Variants in LYRM1 observed in about 807,000 individuals in gnomAD.
LYRM1 encodes LYR motif-containing protein 1.
LYRM1 carries 14 observed loss-of-function variants against 14.9 expected under a neutral mutation model. The observed-to-expected ratio is 0.94, with a 90% confidence interval of 0.62 to 1.47. The LOEUF (loss-of-function observed/expected upper bound fraction) is 1.47. Among genes scored for constraint, LYRM1 ranks in the 40% most tolerant of loss-of-function variants. LYRM1 has a pLI of 0.00. For missense variants in LYRM1, 153 were observed against 149.9 expected (o/e 1.02, Z -0.11); for synonymous variants, 43 against 56.2 (o/e 0.77, Z 1.05).
chr16:20,924,330 C>T lies in LYRM1; in HGVS notation c.*214C>T. The T allele has an allele frequency of 2.2e-6, 1 of 453,620 alleles. No homozygotes were observed. Among genetic ancestry groups the T allele is most frequent in the South Asian group, 2.7e-5 (1 of 36,544 alleles). 28.1% of individuals were successfully genotyped at this position (453,620 alleles called of 1,614,324 possible). A position where few individuals can be genotyped will look rare whatever the true frequency, so the allele number is the denominator to read the frequency against. On this transcript the variant is annotated 3_prime_UTR_variant, in exon 4 of 4. Transcript: ENST00000567954. Reference sequence around the variant, plus strand: ...TGGCATTATCCCTAGAGGTCATGGACCTTACATCCTCACTGCAGTCACCTT... The same window carrying T: ...TGGCATTATCCCTAGAGGTCATGGATCTTACATCCTCACTGCAGTCACCTT...
At chr16:20,912,770 T>C (rs1303793552) in intron 1 of LYRM1, among the ~76,000 whole-genome samples, 1 of 151,610 alleles carries the variant, frequency 6.6e-6, no homozygotes, top group East Asian at 2.0e-4. Context: ...ATAAACTTTT[T>C]AAACTTGCAA....
At chr16:20,900,025 G>A (rs2081961203), upstream of LYRM1, 1 of 152,312 alleles carries the variant, frequency 6.6e-6, no homozygotes, top group Non-Finnish European at 1.5e-5. Flanking sequence ...TGAGCCCTGC[G>A]GCTGACACGC....
chr16:20,921,929 T>C (rs2083211631), intron 3 of LYRM1: 1 of 152,148 alleles, frequency 6.6e-6, no homozygotes, highest in Non-Finnish European at 1.5e-5. Flanking sequence ...CTGGATATAA[T>C]GTTATACTGC....
intron 2 of LYRM1, among the ~76,000 whole-genome samples, chr16:20,917,963 G>T (rs557394781): frequency 2.6e-5 from 4 of 151,670 alleles, no homozygotes; most frequent in Non-Finnish European, 5.9e-5. Context: ...AAATGAATGA[G>T]CAGCTATAAA....
chr16:20,913,845 G>C (rs765376561), intron 1 of LYRM1, among the ~76,000 whole-genome samples: 68 of 151,100 alleles, frequency 4.5e-4, no homozygotes, highest in Admixed American at 2.6e-3. Context: ...GTCTCGCTCT[G>C]TCACCCAGGC....
At chr16:20,918,373 G>C (rs2083015368) in intron 2 of LYRM1, among the ~76,000 whole-genome samples, 2 of 152,188 alleles carry the variant, frequency 1.3e-5, no homozygotes, top group African/African-American at 4.8e-5. Context: ...GATTATTTGG[G>C]AGTGGGCGGA....
At chr16:20,904,293 G>A (rs894231784) in intron 1 of LYRM1, among the ~76,000 whole-genome samples, 13 of 152,120 alleles carry the variant, frequency 8.5e-5, no homozygotes, top group Non-Finnish European at 4.4e-5. Flanking sequence ...TCTTGTGTGC[G>A]CTCCGGTGCT....
intron 2 of LYRM1, 95 bp downstream of exon 2, chr16:20,915,809 G>A (rs894014154): frequency 1.5e-5 from 20 of 1,339,634 alleles, no homozygotes; most frequent in African/African-American, 4.4e-5. Context: ...GGGCTGAGCC[G>A]CACAGTCATG....
chr16:20,924,260 C>T lies in LYRM1; in HGVS notation c.*144C>T. 1.7e-6 allele frequency: 1 copy of T among 596,488 alleles called. No individual in the cohort carries two copies. The highest frequency in any genetic ancestry group is 3.0e-6 in the Non-Finnish European group (1 of 331,788). The allele number at this position is 596,488 out of a possible 1,614,324, so 36.9% of individuals were successfully genotyped here. A position where few individuals can be genotyped will look rare whatever the true frequency, so the allele number is the denominator to read the frequency against. On this transcript the variant is annotated 3_prime_UTR_variant, in exon 4 of 4. Transcript: ENST00000567954. ...ATTGATTCTCCCCCTGTGATGTAAA[C>T]TTAGATATCCCTAGAGTTTCTCAGC...
At chr16:20,923,972 G>C in intron 3 of LYRM1, 28 bp from the exon 4 acceptor site, 1 of 1,244,908 alleles carries the variant, frequency 8.0e-7, no homozygotes, top group Admixed American at 1.9e-5. Context: ...TGATGAATAT[G>C]ATTCTTCATA....
chr16:20,922,409 A>G (rs2083241519), intron 3 of LYRM1, among the ~76,000 whole-genome samples: 2 of 152,330 alleles, frequency 1.3e-5, no homozygotes, highest in South Asian at 2.1e-4. Flanking sequence ...AGCTAGATGT[A>G]TATGTGAAGA....
intron 2 of LYRM1, among the ~76,000 whole-genome samples, chr16:20,917,317 A>G (rs986568133): frequency 1.3e-5 from 2 of 152,136 alleles, no homozygotes; most frequent in African/African-American, 4.8e-5. Context: ...TGCTATTTCT[A>G]TTTATCCTTT....
chr16:20,912,616 A>G (rs887707528), intron 1 of LYRM1, among the ~76,000 whole-genome samples: 5 of 152,132 alleles, frequency 3.3e-5, no homozygotes, highest in Admixed American at 2.0e-4. Context: ...AATATCCATC[A>G]GCAAAATAGA....
chr16:20,916,414 T>C (rs1242780106), intron 2 of LYRM1, among the ~76,000 whole-genome samples: 2 of 152,194 alleles, frequency 1.3e-5, no homozygotes, highest in African/African-American at 4.8e-5. Flanking sequence ...GTCTCCTCAC[T>C]GATCTAATGG....
At chr16:20,919,076 C>T (rs773310596) in intron 2 of LYRM1, among the ~76,000 whole-genome samples, 62 of 152,322 alleles carry the variant, frequency 4.1e-4, no homozygotes, top group Non-Finnish European at 7.2e-4. Flanking sequence ...GATTCATTTT[C>T]CTACCTCATA....
At chr16:20,922,757 G>A (rs917051018) in intron 3 of LYRM1, among the ~76,000 whole-genome samples, 1 of 152,156 alleles carries the variant, frequency 6.6e-6, no homozygotes, top group Non-Finnish European at 1.5e-5. Context: ...CAAAGTGCTG[G>A]GATTACAGGC....
intron 2 of LYRM1, among the ~76,000 whole-genome samples, chr16:20,917,767 CA>C (rs1371107777): frequency 6.6e-6 from 1 of 151,494 alleles, no homozygotes; most frequent in Non-Finnish European, 1.5e-5. Flanking sequence ...CCAAAAAAAC[CA>C]AAAAAAGAGT....
At chr16:20,919,618 G>A (rs2083084109) in intron 2 of LYRM1, among the ~76,000 whole-genome samples, 4 of 152,156 alleles carry the variant, frequency 2.6e-5, no homozygotes, top group Admixed American at 2.6e-4. Context: ...GTAGGAGATT[G>A]GTGAAATTAT....
intron 1 of LYRM1, among the ~76,000 whole-genome samples, chr16:20,912,904 T>C (rs2082668020): frequency 6.6e-6 from 1 of 151,552 alleles, no homozygotes; most frequent in Non-Finnish European, 1.5e-5. Context: ...CCATCTCTAC[T>C]AAAAATACGA....
Sources: allele counts gnomAD v4.1 joint callset (sites outside exome capture counted in the v4.1 genomes callset), GRCh38; gene constraint gnomAD v4.1.1; transcripts MANE v1.5; gene names NCBI Gene and HGNC (gene_info 2026-07-23, HGNC 2026-07-21).